The following SF3B4 variants were observed in gnomAD, a reference collection of about 807,000 sequenced individuals.
The protein encoded by SF3B4 is splicing factor 3b subunit 4.
Under a neutral mutation model 34.3 loss-of-function variants are expected in SF3B4, and 3 were observed. The ratio of observed to expected loss-of-function variants is 0.09; its 90% CI spans 0.04 to 0.23. The LOEUF is 0.23. Ranked by LOEUF, SF3B4 falls within the 10% of genes least tolerant of loss-of-function variation. SF3B4 has a pLI of 1.00. For missense variants in SF3B4, 283 were observed against 567.2 expected (o/e 0.50, Z 5.09); for synonymous variants, 216 against 207.8 (o/e 1.04, Z -0.34).
rs781863767 is a variant in SF3B4 at position 149,924,021 on chromosome 1, A to T, written c.914-7T>A. 3.9e-6 allele frequency: 6 copies of T among 1,533,400 alleles called. No homozygotes were observed. Among genetic ancestry groups the T allele is most frequent in the Non-Finnish European group, 4.4e-6 (5 of 1,148,284 alleles). 95.0% of individuals were successfully genotyped at this position (1,533,400 alleles called of 1,614,324 possible). On this transcript the variant is annotated splice_region_variant and splice_polypyrimidine_tract_variant and intron_variant, in intron 4 of 5. Coordinates refer to ENST00000271628, the MANE Select transcript of SF3B4 (RefSeq NM_005850.5). ...AGCTGCATCTGAGACATCCCTATGAAAATAAAATAGACACAAGAAGAAAAG... is the reference window on the plus strand; with the variant it reads ...AGCTGCATCTGAGACATCCCTATGATAATAAAATAGACACAAGAAGAAAAG...
intron 4 of SF3B4, among the ~76,000 whole-genome samples, chr1:149,925,281 C>T (rs1054031538): frequency 2.6e-5 from 4 of 152,098 alleles, no homozygotes; most frequent in African/African-American, 9.7e-5. Flanking sequence ...GGAATATCAA[C>T]AGCTACGGAC....
In SF3B4 at chr1:149,926,336, C is replaced by A. The variant is rs2092590155; in HGVS notation, c.706+40G>T. Reference sequence around the variant, plus strand: ...TTTCTTCTTCCTCCTGACCCTCTCCCCCAACCTTAAGACAAACATATTTTA... The same window carrying A: ...TTTCTTCTTCCTCCTGACCCTCTCCACCAACCTTAAGACAAACATATTTTA... On this transcript the variant is annotated intron_variant, in intron 3 of 5. Transcript: ENST00000271628. The surrounding 1 kb of genome is among the most constrained non-coding windows in gnomAD (Gnocchi z 6.2). The A allele has an allele frequency of 6.5e-7, 1 of 1,547,786 alleles. No homozygotes were observed. The highest frequency in any genetic ancestry group is 8.8e-7 in the Non-Finnish European group (1 of 1,141,266).
chr1:149,926,948 A>G lies in SF3B4; in HGVS notation c.164-30T>C, dbSNP rs782805305. 1.3e-6 allele frequency: 2 copies of G among 1,568,524 alleles called. No individual in the cohort carries two copies. The highest frequency in any genetic ancestry group is 4.5e-5 in the East Asian group (2 of 44,504). ...AAAAGTGGAGAAGAGGAGGTTAACA[A>G]CGTAAGTAAAGAGACTGAAAATGGG... On this transcript the variant is annotated intron_variant, in intron 2 of 5. Coordinates refer to ENST00000271628, the MANE Select transcript of SF3B4 (RefSeq NM_005850.5). This position sits in a 1 kb window ranked among gnomAD's most constrained non-coding sequence, Gnocchi z 6.2.
At position 149,926,046 on chromosome 1, in the gene SF3B4, T is replaced by G; in HGVS notation, c.707-4A>C. The G allele has an allele frequency of 6.9e-7, 1 of 1,452,724 alleles. No homozygotes were observed. The allele number at this position is 1,452,724 out of a possible 1,614,324, so 90.0% of individuals were successfully genotyped here. A position where few individuals can be genotyped will look rare whatever the true frequency, so the allele number is the denominator to read the frequency against. On this transcript the variant is annotated splice_polypyrimidine_tract_variant and splice_region_variant and intron_variant, in intron 3 of 5. Transcript: ENST00000271628. The surrounding 1 kb of genome is among the most constrained non-coding windows in gnomAD (Gnocchi z 6.2). ...AAGGAGCCAGGAGGAGGCATGCCTA[T>G]AGAGGAAATGGAAAAAGGAAGAGTT...
At chr1:149,924,736 A>G (rs1317762663) in intron 4 of SF3B4, among the ~76,000 whole-genome samples, 1 of 152,198 alleles carries the variant, frequency 6.6e-6, no homozygotes, top group Admixed American at 6.5e-5. Context: ...ATCCAAGCAG[A>G]AAGATTACCA....
chr1:149,926,317 C>T lies in SF3B4; in HGVS notation c.706+59G>A. On this transcript the variant is annotated intron_variant, in intron 3 of 5. Coordinates refer to ENST00000271628, the MANE Select transcript of SF3B4 (RefSeq NM_005850.5). This position sits in a 1 kb window ranked among gnomAD's most constrained non-coding sequence, Gnocchi z 6.2. ...GTCCCCCTTTCAGACTTGTTTTCTT[C>T]TTCCTCCTGACCCTCTCCCCCAACC... 6.8e-7 allele frequency: 1 copy of T among 1,469,646 alleles called. No individual in the cohort carries two copies. The allele number at this position is 1,469,646 out of a possible 1,614,324, so 91.0% of individuals were successfully genotyped here.
chr1:149,923,448 G>A lies in SF3B4; in HGVS notation c.*94C>T, dbSNP rs587703735. On this transcript the variant is annotated 3_prime_UTR_variant, in exon 6 of 6. Coordinates refer to ENST00000271628, the MANE Select transcript of SF3B4 (RefSeq NM_005850.5). ...GGAGTGGGGGTGCTGAAAGGGATTA[G>A]TACCTTTGCCCCAAGGAGCTACAGC... 60 of 969,010 alleles carry A rather than the reference G, an allele frequency of 6.2e-5. No homozygotes were observed. In the African/African-American group the frequency reaches 9.6e-4, roughly 15 times the overall value. 60.0% of individuals were successfully genotyped at this position (969,010 alleles called of 1,614,324 possible).
At position 149,927,531 on chromosome 1, in the gene SF3B4, G is replaced by C. The variant is rs1393256445; in HGVS notation, c.34+195C>G. On this transcript the variant is annotated intron_variant, in intron 1 of 5. Coordinates refer to ENST00000271628, the MANE Select transcript of SF3B4 (RefSeq NM_005850.5). ...ATTTTTTGAGTGAGAAGTCAGCAGGGGACCGGACTTAAGTATCACACCCAG... is the reference window on the plus strand; with the variant it reads ...ATTTTTTGAGTGAGAAGTCAGCAGGCGACCGGACTTAAGTATCACACCCAG... 3 of 750,582 alleles carry C rather than the reference G, an allele frequency of 4.0e-6. No individual in the cohort carries two copies. The African/African-American group carries it at 5.3e-5, about 13-fold the overall frequency. 46.5% of individuals were successfully genotyped at this position (750,582 alleles called of 1,614,324 possible). A position where few individuals can be genotyped will look rare whatever the true frequency, so the allele number is the denominator to read the frequency against.
intron 4 of SF3B4, among the ~76,000 whole-genome samples, chr1:149,924,836 A>C (rs1645166040): frequency 6.6e-6 from 1 of 152,214 alleles, no homozygotes; most frequent in African/African-American, 2.4e-5. Flanking sequence ...AGTTATAGAA[A>C]TGAGGGGCAG....
chr1:149,925,720 GAAGGA>G, intron 4 of SF3B4, 111 bp downstream of exon 4: 1 of 796,182 alleles, frequency 1.3e-6, no homozygotes, highest in Non-Finnish European at 2.2e-6. Flanking sequence ...TAGAATGTCT[GAAGGA>G]AAGGAAAACT....
In SF3B4 at chr1:149,925,324, AC is replaced by A. The variant is rs1170780744; in HGVS notation, c.913+511del. 2.6e-5 allele frequency among the ~76,000 whole-genome samples: 4 copies of A among 152,286 alleles called. No homozygotes were observed. The East Asian group carries it at 5.8e-4, about 22-fold the overall frequency. On this transcript the variant is annotated intron_variant, in intron 4 of 5. Coordinates refer to ENST00000271628, the MANE Select transcript of SF3B4 (RefSeq NM_005850.5). Reference sequence around the variant, plus strand: ...ACAGACCTAGGAGGCATCAGTATATACCCAATTAAAACTATAGATATATGCA... The same window carrying A: ...ACAGACCTAGGAGGCATCAGTATATACCAATTAAAACTATAGATATATGCA...
chr1:149,926,042 C>A lies in SF3B4; in HGVS notation c.707G>T (p.Gly236Val), dbSNP rs1445223549. The A allele has an allele frequency of 1.4e-6, 2 of 1,465,756 alleles. No homozygotes were observed. The highest frequency in any genetic ancestry group is 1.8e-6 in the Non-Finnish European group (2 of 1,092,938). 90.8% of individuals were successfully genotyped at this position (1,465,756 alleles called of 1,614,324 possible). A position where few individuals can be genotyped will look rare whatever the true frequency, so the allele number is the denominator to read the frequency against. Residue 236 changes from glycine to valine, a missense_variant and splice_region_variant, in exon 4 of 6, where the codon GGC becomes GTC. Physicochemically the swap from Gly to Val is moderately radical, Grantham distance 109. Around this residue, in one of 4 missense-constraint regions of SF3B4, gnomAD observed 208 missense variants for 292.6 expected, o/e 0.71. Transcript: ENST00000271628. This position sits in a 1 kb window ranked among gnomAD's most constrained non-coding sequence, Gnocchi z 6.2. Reference sequence around the variant, plus strand: ...TGGGAAGGAGCCAGGAGGAGGCATGCCTATAGAGGAAATGGAAAAAGGAAG... The same window carrying A: ...TGGGAAGGAGCCAGGAGGAGGCATGACTATAGAGGAAATGGAAAAAGGAAG... ...SSLGSGLPPP[G>V]MPPPGSFPPP... is the part of the protein sequence containing the mutation.
intron 4 of SF3B4, 61 bp downstream of exon 4, chr1:149,925,775 G>A: frequency 8.2e-7 from 1 of 1,220,088 alleles, no homozygotes; most frequent in East Asian, 2.3e-5. Flanking sequence ...GCAGCAGGGT[G>A]AGTGGTAACA....
At chr1:149,925,683 TAGAG>T (rs782132988) in intron 4 of SF3B4, 149 bp downstream of exon 4, 7 of 726,044 alleles carry the variant, frequency 9.6e-6, no homozygotes, top group Non-Finnish European at 1.8e-5. Context: ...TGGTAGATGT[TAGAG>T]AGCATTTTGT....
At chr1:149,925,606 G>A (rs1292931347) in intron 4 of SF3B4, 3 of 574,850 alleles carry the variant, frequency 5.2e-6, no homozygotes, top group African/African-American at 3.8e-5. Context: ...TGGAACTAAA[G>A]ATTAAAGAAA....
intron 2 of SF3B4, 102 bp downstream of exon 2, chr1:149,927,064 G>A (rs1049441633): frequency 9.3e-6 from 14 of 1,511,822 alleles, no homozygotes; most frequent in Admixed American, 2.0e-5. Context: ...CTGAAGAGAG[G>A]CTTAAAAGAA....
chr1:149,927,182 G>A lies in SF3B4; in HGVS notation c.147C>T (p.Val49=). 3.1e-6 allele frequency: 5 copies of A among 1,613,924 alleles called. No individual in the cohort carries two copies. Among genetic ancestry groups the A allele is most frequent in the Non-Finnish European group, 4.2e-6 (5 of 1,180,040 alleles). ...VVNTHMPKDR[V]TGQHQGYGFV... is the part of the protein sequence containing the mutation. ...TGTACTCACCTTGGTGCTGGCCAGT[G>A]ACTCTATCCTTTGGCATGTGGGTGT... Residue 49 remains valine (V), a synonymous_variant, in exon 2 of 6, where the codon GTC becomes GTT. Transcript: ENST00000271628.
intron 2 of SF3B4, 63 bp downstream of exon 2, chr1:149,927,103 C>A: frequency 6.3e-7 from 1 of 1,585,914 alleles, no homozygotes. Flanking sequence ...CATGTTATTC[C>A]AAAACAGTTG....
In SF3B4 at chr1:149,927,157, T is replaced by A; in HGVS notation, c.163+9A>T. 6.2e-7 allele frequency: 1 copy of A among 1,613,380 alleles called. No individual in the cohort carries two copies. Among genetic ancestry groups the A allele is most frequent in the Non-Finnish European group, 8.5e-7 (1 of 1,179,982 alleles). ...TCCGGGAGCAATTCGCCCCTTGTCA[T>A]GTACTCACCTTGGTGCTGGCCAGTG... On this transcript the variant is annotated intron_variant, in intron 2 of 5. Transcript: ENST00000271628.
Sources: allele counts gnomAD v4.1 joint callset (sites outside exome capture counted in the v4.1 genomes callset), GRCh38; gene constraint gnomAD v4.1.1; regional missense constraint gnomAD v4.1.1; non-coding constraint Gnocchi (gnomAD v3.1); transcripts MANE v1.5; gene names NCBI Gene and HGNC (gene_info 2026-07-23, HGNC 2026-07-21).